Variants in ANKS3 observed in about 807,000 individuals in gnomAD.
ANKS3 encodes ankyrin repeat and SAM domain-containing protein 3.
A neutral mutation model predicts 80.7 loss-of-function variants in ANKS3; 62 were observed. That is an observed-to-expected ratio of 0.77 (90% CI 0.63 to 0.95). The LOEUF is 0.95. Ranked by LOEUF, ANKS3 falls within the 40% of genes least tolerant of loss-of-function variation. The pLI is 0.00. For synonymous variants in ANKS3, 489 were observed against 355.3 expected, an observed-to-expected ratio of 1.38 and a Z score of -4.23; for missense variants, 1,150 against 883.6, an observed-to-expected ratio of 1.30 and a Z score of -3.82.
chr16:4,708,109 C>T (rs1403109929), intron 7 of ANKS3, among the ~76,000 whole-genome samples: 2 of 129,770 alleles, frequency 1.5e-5, no homozygotes, highest in Admixed American at 7.8e-5. Context: ...AGTGAGACTA[C>T]ATCTGAAAAA....
At chr16:4,729,270 C>G (rs953300148) in intron 3 of ANKS3, 2 of 152,450 alleles carry the variant, frequency 1.3e-5, no homozygotes, top group South Asian at 2.1e-4. Context: ...CCCAGCCTCT[C>G]TCCTCCTCCA....
intron 7 of ANKS3, among the ~76,000 whole-genome samples, chr16:4,707,540 C>G (rs1289162632): frequency 6.6e-6 from 1 of 152,062 alleles, no homozygotes; most frequent in African/African-American, 2.4e-5. Flanking sequence ...CCTTGGCCTC[C>G]CAAAGTGCTC....
intron 7 of ANKS3, among the ~76,000 whole-genome samples, chr16:4,708,545 AACAG>A (rs764760995): frequency 1.7e-4 from 26 of 152,324 alleles, no homozygotes; most frequent in South Asian, 4.1e-4. Context: ...GCAGAAATTA[AACAG>A]ACAATCAGTA....
chr16:4,720,108 G>C (rs1159309756), intron 6 of ANKS3, among the ~76,000 whole-genome samples: 1 of 135,440 alleles, frequency 7.4e-6, no homozygotes, highest in African/African-American at 2.8e-5. Flanking sequence ...GTTGCACTGA[G>C]CTGAGATCAC....
chr16:4,706,428 G>C (rs1186835333), intron 7 of ANKS3, among the ~76,000 whole-genome samples: 3 of 151,962 alleles, frequency 2.0e-5, no homozygotes, highest in Non-Finnish European at 4.4e-5. Context: ...GTAGAGACGG[G>C]GTTTCACCAT....
chr16:4,697,308 A>G lies in ANKS3; in HGVS notation c.1894+25T>C, dbSNP rs750865971. The G allele has an allele frequency of 5.1e-6, 8 of 1,582,952 alleles. No individual in the cohort carries two copies. In the African/African-American group the frequency reaches 5.4e-5, roughly 11 times the overall value. ...TCCCTCGGAAACAAAAGGAGCGCTCAGTCGTCTGGTCCCCGGAGACTCACC... is the reference window on the plus strand; with the variant it reads ...TCCCTCGGAAACAAAAGGAGCGCTCGGTCGTCTGGTCCCCGGAGACTCACC... On this transcript the variant is annotated intron_variant, in intron 16 of 17. Coordinates refer to ENST00000304283, the MANE Select transcript of ANKS3 (RefSeq NM_133450.4).
intron 16 of ANKS3, 50 bp downstream of exon 16, chr16:4,697,283 T>C: frequency 6.4e-7 from 1 of 1,563,150 alleles, no homozygotes; most frequent in Non-Finnish European, 8.7e-7. Context: ...TCCCTTTGCC[T>C]CCCTCGGAAA....
chr16:4,698,432 C>A lies in ANKS3; in HGVS notation c.1719G>T (p.Gln573His). ...GGCAGCTCAGAGCCACTCACCGCAG[C>A]TGGTCCAGGACGAGGGCAGCATCCC... Reference protein sequence around the residue: ...LARDAALVLDQLRACQAELSS... With the variant: ...LARDAALVLDHLRACQAELSS... The change falls in exon 14 of 18, where the codon CAG (glutamine) becomes CAT (histidine). Residue 573 changes from glutamine (Q) to histidine (H), a missense_variant. Gln to His is a conservative substitution (Grantham distance 24). Transcript: ENST00000304283. 6.6e-7 allele frequency: 1 copy of A among 1,520,402 alleles called. No individual in the cohort carries two copies. 94.2% of individuals were successfully genotyped at this position (1,520,402 alleles called of 1,614,324 possible). A position where few individuals can be genotyped will look rare whatever the true frequency, so the allele number is the denominator to read the frequency against.
At chr16:4,716,669 G>A (rs1263471623) in intron 6 of ANKS3, among the ~76,000 whole-genome samples, 1 of 152,168 alleles carries the variant, frequency 6.6e-6, no homozygotes, top group Non-Finnish European at 1.5e-5. Flanking sequence ...TGTAATCCCA[G>A]CACTTTGGGG....
chr16:4,701,487 C>G lies in ANKS3; in HGVS notation c.1066G>C (p.Gly356Arg), dbSNP rs1223818234. ...GPVQSSSSSEGLARAQGLSSE... is the reference protein window; with the variant it reads ...GPVQSSSSSERLARAQGLSSE... ...CTGAGCCCCTGGGCTCTGGCCAGGCCCTCGCTGCTGCTGCTGCTCTGGACG... is the reference window on the plus strand; with the variant it reads ...CTGAGCCCCTGGGCTCTGGCCAGGCGCTCGCTGCTGCTGCTGCTCTGGACG... Residue 356 changes from glycine to arginine, a missense_variant, in exon 10 of 18, where the codon GGC (glycine) becomes CGC (arginine). Gly to Arg is a moderately radical substitution (Grantham distance 125, BLOSUM62 -2). Coordinates refer to ENST00000304283, the MANE Select transcript of ANKS3 (RefSeq NM_133450.4). 1.2e-6 allele frequency: 2 copies of G among 1,611,938 alleles called. No individual in the cohort carries two copies. Among genetic ancestry groups the G allele is most frequent in the Non-Finnish European group, 1.7e-6 (2 of 1,178,934 alleles).
At chr16:4,730,648 C>G (rs1031499291) in intron 2 of ANKS3, among the ~76,000 whole-genome samples, 6 of 152,172 alleles carry the variant, frequency 3.9e-5, no homozygotes, top group African/African-American at 1.4e-4. Context: ...GGGCAGATCA[C>G]TTGAGGTCAA....
At chr16:4,705,640 T>A (rs1388747188) in intron 7 of ANKS3, among the ~76,000 whole-genome samples, 1 of 152,100 alleles carries the variant, frequency 6.6e-6, no homozygotes, top group East Asian at 1.9e-4. Flanking sequence ...TTTTTTTTCT[T>A]TTCTTTTTCA....
rs752155527 is a variant in ANKS3 at position 4,729,973 on chromosome 16, C to T, written c.170+7G>A. 2.3e-5 allele frequency: 34 copies of T among 1,468,022 alleles called. No individual in the cohort carries two copies. In the South Asian group the frequency reaches 5.0e-4, roughly 22 times the overall value. 90.9% of individuals were successfully genotyped at this position (1,468,022 alleles called of 1,614,324 possible). A position where few individuals can be genotyped will look rare whatever the true frequency, so the allele number is the denominator to read the frequency against. ...AATGTGAGAGGAAGTTCCCCGAGAT[C>T]TCTTACCGCTGCACACACTCCTTCA... On this transcript the variant is annotated splice_region_variant and intron_variant, in intron 3 of 17. Transcript: ENST00000304283.
intron 15 of ANKS3, 119 bp downstream of exon 15, chr16:4,697,856 CAG>C: frequency 1.0e-6 from 1 of 962,760 alleles, no homozygotes; most frequent in Non-Finnish European, 1.5e-6. Context: ...CATGTGCACA[CAG>C]GGACCTGGGA....
At chr16:4,709,829 A>G (rs955133428) in intron 7 of ANKS3, among the ~76,000 whole-genome samples, 2 of 152,034 alleles carry the variant, frequency 1.3e-5, no homozygotes, top group Admixed American at 1.3e-4. Context: ...TGGTCAGTAT[A>G]GCAAGACCCC....
chr16:4,723,081 G>A (rs1009302466), intron 6 of ANKS3, among the ~76,000 whole-genome samples: 1 of 152,196 alleles, frequency 6.6e-6, no homozygotes, highest in Non-Finnish European at 1.5e-5. Context: ...TATGACTGGT[G>A]GGCAGGACAA....
At chr16:4,718,709 C>T (rs1165237895) in intron 6 of ANKS3, among the ~76,000 whole-genome samples, 1 of 152,298 alleles carries the variant, frequency 6.6e-6, no homozygotes, top group Non-Finnish European at 1.5e-5. Context: ...GGCAGGCAAA[C>T]CACCCAGGCC....
rs754012920 is a variant in ANKS3 at position 4,698,945 on chromosome 16, C to T, written c.1410-4G>A. ...CTTCCTCTTGGGCCCAAACAGCCTG[C>T]GGGGGGAATGTGACCAGGATATGCC... On this transcript the variant is annotated splice_polypyrimidine_tract_variant and splice_region_variant and intron_variant, in intron 12 of 17. Coordinates refer to ENST00000304283, the MANE Select transcript of ANKS3 (RefSeq NM_133450.4). The T allele has an allele frequency of 1.3e-5, 21 of 1,603,454 alleles. No homozygotes were observed. In the African/African-American group the frequency reaches 1.9e-4, roughly 14 times the overall value.
Position 4,699,188 on chromosome 16 carries a change from A to T in ANKS3, c.1285-12T>A. 2 of 1,613,642 alleles carry T rather than the reference A, an allele frequency of 1.2e-6. No individual in the cohort carries two copies. Among genetic ancestry groups the T allele is most frequent in the Non-Finnish European group, 1.7e-6 (2 of 1,179,858 alleles). ...AGTGCGGCAAGGTCCTGGCAGGCAC[A>T]GGGGACAGGTTGGGGGAGGTAGTGG... On this transcript the variant is annotated splice_polypyrimidine_tract_variant and intron_variant, in intron 11 of 17. Transcript: ENST00000304283.
Sources: allele counts gnomAD v4.1 joint callset (sites outside exome capture counted in the v4.1 genomes callset), GRCh38; gene constraint gnomAD v4.1.1; transcripts MANE v1.5; gene names NCBI Gene and HGNC (gene_info 2026-07-23, HGNC 2026-07-21).